ADAMTS6: variants seen among roughly 807,000 people sequenced by gnomAD.
The protein encoded by ADAMTS6 is A disintegrin and metalloproteinase with thrombospondin motifs 6.
Under a neutral mutation model 144.3 loss-of-function variants are expected in ADAMTS6, and 23 were observed. That is an observed-to-expected ratio of 0.16 (90% CI 0.11 to 0.23). The LOEUF is 0.23. ADAMTS6 is among the 10% of genes least tolerant of loss of function. The pLI is 1.00. For missense variants in ADAMTS6, 999 were observed against 1,379.6 expected (o/e 0.72, Z 4.37); for synonymous variants, 444 against 457.5 (o/e 0.97, Z 0.38).
intron 7 of ADAMTS6, among the ~76,000 whole-genome samples, chr5:65,345,755 T>C (rs768168588): frequency 6.6e-6 from 1 of 151,890 alleles, no homozygotes; most frequent in Non-Finnish European, 1.5e-5. Context: ...TCTTCTTTCA[T>C]ACGAATGAAA....
At chr5:65,261,469 T>C (rs1761189521) in intron 13 of ADAMTS6, among the ~76,000 whole-genome samples, 1 of 151,488 alleles carries the variant, frequency 6.6e-6, no homozygotes. Flanking sequence ...GGGTTTTTTA[T>C]ACTTTGATTA....
At chr5:65,385,575 C>T (rs6898117) in intron 7 of ADAMTS6, among the ~76,000 whole-genome samples, 2 of 152,104 alleles carry the variant, frequency 1.3e-5, no homozygotes, top group Non-Finnish European at 2.9e-5. Context: ...TAAAAATTAT[C>T]ATCATTTTTT....
chr5:65,365,152 A>T lies in ADAMTS6; in HGVS notation c.1074-31067T>A, dbSNP rs867111859. Among the ~76,000 whole-genome samples, 3 of 152,154 alleles carry T rather than the reference A, an allele frequency of 2.0e-5. No individual in the cohort carries two copies. In the South Asian group the frequency reaches 6.2e-4, roughly 32 times the overall value. On this transcript the variant is annotated intron_variant, in intron 7 of 24. Coordinates refer to ENST00000381055, the MANE Select transcript of ADAMTS6 (RefSeq NM_197941.4). The stretch of plus-strand genomic sequence containing the variant: ...GCAGAAAGACCACTGCAATCAGGAG[A>T]TCTATCATTTGTTAATTATATACTC...
chr5:65,377,431 A>G (rs1354466461), intron 7 of ADAMTS6, among the ~76,000 whole-genome samples: 2 of 152,228 alleles, frequency 1.3e-5, no homozygotes, highest in African/African-American at 4.8e-5. Context: ...AGACATTACT[A>G]TCTTTAAATA....
intron 7 of ADAMTS6, among the ~76,000 whole-genome samples, chr5:65,402,248 C>A (rs1753981534): frequency 6.6e-6 from 1 of 152,046 alleles, no homozygotes. Flanking sequence ...TCTTTCTCTT[C>A]TCTCTCTCCA....
chr5:65,452,936 A>G lies in ADAMTS6; in HGVS notation c.632-18T>C. On this transcript the variant is annotated intron_variant, in intron 4 of 24. Transcript: ENST00000381055. Reference sequence around the variant, plus strand: ...TGTGAAATCTACAATAAAAGCAGCCAATTCAGATAGGTTCACTAATTAAAA... The same window carrying G: ...TGTGAAATCTACAATAAAAGCAGCCGATTCAGATAGGTTCACTAATTAAAA... The G allele has an allele frequency of 3.1e-6, 5 of 1,594,242 alleles. No individual in the cohort carries two copies. The highest frequency in any genetic ancestry group is 4.3e-6 in the Non-Finnish European group (5 of 1,163,364).
chr5:65,156,083 T>C (rs923519907), intron 24 of ADAMTS6, among the ~76,000 whole-genome samples: 2 of 152,140 alleles, frequency 1.3e-5, no homozygotes, highest in Non-Finnish European at 2.9e-5. Context: ...AAAATATTAG[T>C]ACCAGTTTTA....
chr5:65,420,638 C>T (rs1395546586), intron 7 of ADAMTS6, among the ~76,000 whole-genome samples: 1 of 144,776 alleles, frequency 6.9e-6, no homozygotes, highest in Non-Finnish European at 1.5e-5. Flanking sequence ...GCCTTGGCCT[C>T]CCAAAGTGCT....
rs542632395 is a variant in ADAMTS6 at position 65,276,803 on chromosome 5, C to T, written c.1513-3356G>A. On this transcript the variant is annotated intron_variant, in intron 11 of 24. Coordinates refer to ENST00000381055, the MANE Select transcript of ADAMTS6 (RefSeq NM_197941.4). ...GCAACCATCATAGTAGGCAGATTTC[C>T]CTAAATAAAATATAGGAGGTGCTGA... Among the ~76,000 whole-genome samples the T allele has an allele frequency of 5.9e-5, 9 of 152,046 alleles. No homozygotes were observed. In the South Asian group the frequency reaches 1.9e-3, roughly 32 times the overall value.
chr5:65,371,496 C>T (rs570446237), intron 7 of ADAMTS6, among the ~76,000 whole-genome samples: 2,432 of 151,960 alleles, frequency 0.016, 63 homozygotes, highest in African/African-American at 0.056. Context: ...GGAGCCAATG[C>T]GATCAACTGG....
chr5:65,171,943 G>A (rs16893468), intron 23 of ADAMTS6, among the ~76,000 whole-genome samples: 17,971 of 151,468 alleles, frequency 0.12, 1,510 homozygotes, highest in African/African-American at 0.23. Flanking sequence ...GCCTGCCATC[G>A]AGAATACCAG....
chr5:65,470,602 A>AT (rs1288438762), intron 3 of ADAMTS6, among the ~76,000 whole-genome samples, 176 bp downstream of exon 3: 3 of 152,096 alleles, frequency 2.0e-5, no homozygotes, highest in African/African-American at 7.2e-5. Flanking sequence ...TCAATACATT[A>AT]TTAAAAAGAA....
chr5:65,197,225 C>G, intron 20 of ADAMTS6, 74 bp from the exon 21 acceptor site: 1 of 1,522,386 alleles, frequency 6.6e-7, no homozygotes, highest in Non-Finnish European at 8.9e-7. Flanking sequence ...TAGCTTTCCT[C>G]TGTGGGGAAT....
chr5:65,160,526 A>G (rs1382552242), intron 24 of ADAMTS6, among the ~76,000 whole-genome samples: 1 of 151,582 alleles, frequency 6.6e-6, no homozygotes, highest in Non-Finnish European at 1.5e-5. Context: ...GGATGGTCTC[A>G]ATCTCCTGAC....
At chr5:65,278,668 T>C (rs1762749258) in intron 11 of ADAMTS6, among the ~76,000 whole-genome samples, 1 of 152,230 alleles carries the variant, frequency 6.6e-6, no homozygotes, top group Non-Finnish European at 1.5e-5. Context: ...TTAATGCCAA[T>C]TTCTTCTTAT....
At chr5:65,332,788 G>C (rs1010785270) in intron 8 of ADAMTS6, among the ~76,000 whole-genome samples, 1 of 152,072 alleles carries the variant, frequency 6.6e-6, no homozygotes, top group African/African-American at 2.4e-5. Flanking sequence ...TGTTGGTCTT[G>C]TTAGCTTAAA....
chr5:65,280,794 A>C (rs2112701421), intron 11 of ADAMTS6, among the ~76,000 whole-genome samples: 1 of 152,326 alleles, frequency 6.6e-6, no homozygotes, highest in African/African-American at 2.4e-5. Flanking sequence ...CTATTTTCCT[A>C]GAGTTTAGAA....
intron 12 of ADAMTS6, among the ~76,000 whole-genome samples, chr5:65,265,977 CAAAAT>C (rs1388146536): frequency 1.3e-5 from 2 of 151,014 alleles, no homozygotes; most frequent in Non-Finnish European, 3.0e-5. Flanking sequence ...ACATAAAATA[CAAAAT>C]AATACTAGAG....
chr5:65,194,500 G>A (rs565726899), intron 21 of ADAMTS6, among the ~76,000 whole-genome samples: 9 of 152,194 alleles, frequency 5.9e-5, no homozygotes, highest in African/African-American at 2.2e-4. Context: ...GTTAGGTGAA[G>A]TAAATGCATT....
Sources: gnomAD v4.1 joint callset for allele counts (sites outside exome capture counted in the v4.1 genomes callset) on GRCh38, gnomAD v4.1.1 for gene constraint, MANE v1.5 for transcripts, NCBI Gene and HGNC (gene_info 2026-07-23, HGNC 2026-07-21) for gene names.